Variants in LRMDA observed in about 807,000 individuals in gnomAD.
The protein encoded by LRMDA is leucine-rich melanocyte differentiation-associated protein.
LRMDA carries 18 observed loss-of-function variants against 29.8 expected under a neutral mutation model. The ratio of observed to expected loss-of-function variants is 0.60; its 90% CI spans 0.42 to 0.90. The LOEUF is 0.90. LRMDA is among the 40% of genes least tolerant of loss of function. The pLI is 0.00. For synonymous variants in LRMDA, 125 were observed against 109.4 expected (o/e 1.14, Z -0.89); for missense variants, 273 against 273.9 (o/e 1.00, Z 0.02).
At chr10:75,712,811 C>T (rs1842452896) in intron 2 of LRMDA, among the ~76,000 whole-genome samples, 2 of 151,714 alleles carry the variant, frequency 1.3e-5, no homozygotes, top group Non-Finnish European at 2.9e-5. Flanking sequence ...CACCCCCAGC[C>T]CCCCAACTAC....
intron 2 of LRMDA, among the ~76,000 whole-genome samples, chr10:75,769,005 A>G (rs1843204610): frequency 6.6e-6 from 1 of 152,234 alleles, no homozygotes; most frequent in South Asian, 2.1e-4. Flanking sequence ...AGGAGAAGTC[A>G]GACATAATGG....
At chr10:76,137,031 C>T (rs1180577951) in intron 5 of LRMDA, among the ~76,000 whole-genome samples, 2 of 152,180 alleles carry the variant, frequency 1.3e-5, no homozygotes, top group Non-Finnish European at 1.5e-5. Flanking sequence ...GGCCACCTTA[C>T]ACCAAACCAT....
At chr10:75,738,178 A>T (rs1380691425) in intron 2 of LRMDA, among the ~76,000 whole-genome samples, 1 of 151,530 alleles carries the variant, frequency 6.6e-6, no homozygotes, top group Non-Finnish European at 1.5e-5. Context: ...TTTTTTTTTA[A>T]ACGTAATTTT....
chr10:75,735,047 C>A (rs529249826), intron 2 of LRMDA, among the ~76,000 whole-genome samples: 1 of 152,154 alleles, frequency 6.6e-6, no homozygotes, highest in Non-Finnish European at 1.5e-5. Flanking sequence ...GGCTACCTCA[C>A]GCTGAAATAT....
chr10:75,703,287 GGGGAC>G (rs1406854704), intron 2 of LRMDA, among the ~76,000 whole-genome samples: 2 of 152,178 alleles, frequency 1.3e-5, no homozygotes, highest in African/African-American at 4.8e-5. Context: ...GGTGGGATTG[GGGGAC>G]GCAAGCGTCA....
Position 76,292,083 on chromosome 10 carries a change from A to G in LRMDA, c.517-32318A>G, listed in dbSNP as rs974142407. Among the ~76,000 whole-genome samples, 24 of 152,330 alleles carry G rather than the reference A, an allele frequency of 1.6e-4. 1 individual carries two copies. The highest frequency in any genetic ancestry group is 5.8e-4 in the African/African-American group (24 of 41,580). ...GCAGGCCCCCGGTGGATGTTTACTA[A>G]TGATGATAGTGGCACTAAATTATCT... On this transcript the variant is annotated intron_variant, in intron 5 of 6. Transcript: ENST00000611255.
At chr10:76,159,511 T>A (rs1850605506) in intron 5 of LRMDA, among the ~76,000 whole-genome samples, 2 of 152,176 alleles carry the variant, frequency 1.3e-5, no homozygotes, top group African/African-American at 4.8e-5. Context: ...TAGCTTATGA[T>A]CCAGCCATCA....
At chr10:75,887,899 T>C (rs909709865) in intron 2 of LRMDA, among the ~76,000 whole-genome samples, 2 of 152,238 alleles carry the variant, frequency 1.3e-5, no homozygotes, top group African/African-American at 2.4e-5. Flanking sequence ...AGTTTACCTA[T>C]GACCTCCTGG....
intron 2 of LRMDA, among the ~76,000 whole-genome samples, chr10:75,484,483 G>A (rs1844889257): frequency 6.6e-6 from 1 of 152,138 alleles, no homozygotes; most frequent in Admixed American, 6.6e-5. Context: ...GTTTTCATAA[G>A]AGCAATTGGC....
chr10:76,480,670 T>A (rs539986526), intron 6 of LRMDA, among the ~76,000 whole-genome samples: 2 of 152,046 alleles, frequency 1.3e-5, no homozygotes, highest in African/African-American at 4.8e-5. Context: ...AACAACCAAT[T>A]TGATGGTTTG....
intron 2 of LRMDA, chr10:75,783,108 A>T: frequency 6.6e-7 from 1 of 1,509,638 alleles, no homozygotes; most frequent in Non-Finnish European, 9.2e-7. Flanking sequence ...GCTGGCTGTC[A>T]GGGTAGGACT....
chr10:75,650,231 T>C (rs1007428838), intron 2 of LRMDA, among the ~76,000 whole-genome samples: 3 of 152,336 alleles, frequency 2.0e-5, no homozygotes, highest in African/African-American at 7.2e-5. Flanking sequence ...TGTTTTCTTC[T>C]AAAAGTTTTA....
chr10:75,659,168 C>T (rs915384386), intron 2 of LRMDA, among the ~76,000 whole-genome samples: 2 of 152,236 alleles, frequency 1.3e-5, no homozygotes, highest in African/African-American at 4.8e-5. Flanking sequence ...CAAGAGTCAT[C>T]CAGGTGTGTC....
chr10:76,287,817 A>G lies in LRMDA; in HGVS notation c.517-36584A>G, dbSNP rs148502051. Among the ~76,000 whole-genome samples, 734 of 152,318 alleles carry G rather than the reference A, an allele frequency of 4.8e-3. 6 individuals carry two copies. The highest frequency in any genetic ancestry group is 0.016 in the African/African-American group (685 of 41,580). On this transcript the variant is annotated intron_variant, in intron 5 of 6. Coordinates refer to ENST00000611255, the MANE Select transcript of LRMDA (RefSeq NM_001305581.2). ...TCTCCTCTGGAGGAACCACAGCCAC[A>G]CCAGGCCCTTCAGATCTAATAAGAA...
At chr10:75,566,169 T>G (rs1020651696) in intron 2 of LRMDA, among the ~76,000 whole-genome samples, 15 of 152,220 alleles carry the variant, frequency 9.9e-5, no homozygotes, top group Admixed American at 3.9e-4. Context: ...AACACAGCAG[T>G]ATCAATGCTT....
intron 5 of LRMDA, among the ~76,000 whole-genome samples, chr10:76,098,370 A>G (rs1040339116): frequency 2.0e-5 from 3 of 152,184 alleles, no homozygotes; most frequent in Non-Finnish European, 4.4e-5. Flanking sequence ...AATTTCTTTA[A>G]TTGGCAGAGG....
intron 2 of LRMDA, among the ~76,000 whole-genome samples, chr10:75,745,571 G>A (rs372664556): frequency 5.9e-5 from 9 of 152,002 alleles, no homozygotes; most frequent in South Asian, 2.1e-4. Context: ...CCTGTAATTC[G>A]CCTAACCTAA....
At chr10:76,324,627 T>C in intron 6 of LRMDA, 142 bp downstream of exon 6, 3 of 678,756 alleles carry the variant, frequency 4.4e-6, no homozygotes, top group Non-Finnish European at 2.5e-6. Context: ...ACCATACCTG[T>C]CACACGTAGT....
At chr10:75,864,303 G>T (rs919205185) in intron 2 of LRMDA, among the ~76,000 whole-genome samples, 1 of 152,182 alleles carries the variant, frequency 6.6e-6, no homozygotes, top group African/African-American at 2.4e-5. Flanking sequence ...AAGGAAGCCG[G>T]ATGTGCTCTA....
Sources: gnomAD v4.1 joint callset for allele counts (sites outside exome capture counted in the v4.1 genomes callset) on GRCh38, gnomAD v4.1.1 for gene constraint, MANE v1.5 for transcripts, NCBI Gene and HGNC (gene_info 2026-07-23, HGNC 2026-07-21) for gene names.